CLASP2: variants seen among roughly 807,000 people sequenced by gnomAD.
The protein encoded by CLASP2 is CLIP-associating protein 2.
A neutral mutation model predicts 194.4 loss-of-function variants in CLASP2; 47 were observed. The observed-to-expected ratio is 0.24, with a 90% CI of 0.19 to 0.31. The LOEUF is 0.31. Among genes scored for constraint, CLASP2 ranks in the 10% least tolerant of loss-of-function variants. CLASP2 has a pLI of 1.00. For synonymous variants in CLASP2, 619 were observed against 633.5 expected, an observed-to-expected ratio of 0.98 and a Z score of 0.34; for missense variants, 1,445 against 1,823.6, an observed-to-expected ratio of 0.79 and a Z score of 3.78.
intron 24 of CLASP2, 48 bp from the exon 25 acceptor site, chr3:33,573,402 G>A (rs1405035467): frequency 6.3e-7 from 1 of 1,583,658 alleles, no homozygotes; most frequent in Non-Finnish European, 8.6e-7. Flanking sequence ...AGAATATATT[G>A]GTATTTCATA....
intron 36 of CLASP2, among the ~76,000 whole-genome samples, chr3:33,515,084 G>C (rs1355567037): frequency 6.6e-6 from 1 of 151,878 alleles, no homozygotes; most frequent in Admixed American, 6.6e-5. Flanking sequence ...GAGTGGGTGT[G>C]GGGTGAGGGA....
chr3:33,604,003 T>A (rs2073042512), intron 17 of CLASP2, 151 bp downstream of exon 17: 3 of 583,038 alleles, frequency 5.1e-6, no homozygotes, highest in Non-Finnish European at 9.3e-6. Context: ...TATATATGTA[T>A]ACACGTATAC....
chr3:33,578,607 C>T (rs1439977576), intron 23 of CLASP2, among the ~76,000 whole-genome samples: 3 of 151,930 alleles, frequency 2.0e-5, no homozygotes, highest in East Asian at 3.9e-4. Context: ...TAGTTAGCCC[C>T]GAAAGGTGAC....
intron 37 of CLASP2, chr3:33,502,321 A>G (rs1475448785): frequency 6.6e-6 from 1 of 152,408 alleles, no homozygotes; most frequent in Non-Finnish European, 1.5e-5. Context: ...TTGACAAATA[A>G]TAATTGTATA....
intron 4 of CLASP2, among the ~76,000 whole-genome samples, chr3:33,687,981 G>A (rs2154346801): frequency 6.6e-6 from 1 of 152,278 alleles, no homozygotes; most frequent in South Asian, 2.1e-4. Context: ...ATTCAATCCA[G>A]AACAGAAGTA....
chr3:33,685,342 CAAAAAAA>C (rs56240569), intron 5 of CLASP2, among the ~76,000 whole-genome samples: 8 of 48,144 alleles, frequency 1.7e-4, no homozygotes, highest in South Asian at 1.1e-3. Context: ...AACTCCGTCT[CAAAAAAA>C]AAAAAAAAAA....
chr3:33,709,873 T>C (rs890409506), intron 1 of CLASP2, among the ~76,000 whole-genome samples: 1 of 152,240 alleles, frequency 6.6e-6, no homozygotes, highest in African/African-American at 2.4e-5. Flanking sequence ...TACTAAAAGA[T>C]TTAGAAATGT....
intron 1 of CLASP2, among the ~76,000 whole-genome samples, chr3:33,706,023 T>C (rs1217569498): frequency 6.6e-6 from 1 of 151,938 alleles, no homozygotes; most frequent in Non-Finnish European, 1.5e-5. Context: ...GAAGTCAAGG[T>C]GGAAGCATCA....
At chr3:33,674,080 G>A (rs2087979748) in intron 6 of CLASP2, among the ~76,000 whole-genome samples, 1 of 152,132 alleles carries the variant, frequency 6.6e-6, no homozygotes, top group Admixed American at 6.5e-5. Context: ...ATTCAGCTCT[G>A]CACCAAGCGG....
At chr3:33,556,395 T>C (rs1022532893) in intron 29 of CLASP2, among the ~76,000 whole-genome samples, 2 of 152,168 alleles carry the variant, frequency 1.3e-5, no homozygotes, top group African/African-American at 4.8e-5. Flanking sequence ...TTCCCTGCTA[T>C]TCTAAACACT....
chr3:33,681,439 A>T (rs773985632), intron 6 of CLASP2, among the ~76,000 whole-genome samples: 8 of 152,194 alleles, frequency 5.3e-5, no homozygotes, highest in African/African-American at 1.4e-4. Flanking sequence ...CACCACCCGT[A>T]AAGTCGCCTT....
chr3:33,509,665 A>G (rs1353592947), intron 37 of CLASP2, among the ~76,000 whole-genome samples: 1 of 152,202 alleles, frequency 6.6e-6, no homozygotes, highest in East Asian at 1.9e-4. Context: ...GAGGGTTCTT[A>G]ATATACATAC....
chr3:33,704,589 T>C (rs530986014), intron 1 of CLASP2, among the ~76,000 whole-genome samples: 2 of 151,898 alleles, frequency 1.3e-5, no homozygotes, highest in African/African-American at 4.8e-5. Flanking sequence ...CCATCTCTAA[T>C]AAAAATATAA....
At chr3:33,624,304 G>GA (rs1352603767) in intron 10 of CLASP2, among the ~76,000 whole-genome samples, 18 of 151,574 alleles carry the variant, frequency 1.2e-4, no homozygotes, top group Non-Finnish European at 2.2e-4. Flanking sequence ...ATGGACATTA[G>GA]AAAAAAAATC....
intron 26 of CLASP2, among the ~76,000 whole-genome samples, chr3:33,569,252 T>C (rs564875917): frequency 7.9e-5 from 12 of 152,324 alleles, no homozygotes; most frequent in African/African-American, 2.6e-4. Context: ...TGATCTTTTT[T>C]AAAAAAGTTT....
chr3:33,559,478 T>C (rs2061458041), intron 28 of CLASP2, 93 bp from the exon 29 acceptor site: 8 of 712,396 alleles, frequency 1.1e-5, no homozygotes, highest in Non-Finnish European at 1.9e-5. Flanking sequence ...AAACATAATG[T>C]CATCCAAAAA....
At chr3:33,616,341 C>A (rs2076155175) in intron 12 of CLASP2, among the ~76,000 whole-genome samples, 1 of 151,866 alleles carries the variant, frequency 6.6e-6, no homozygotes, top group Non-Finnish European at 1.5e-5. Context: ...ACCCTAATAG[C>A]AGAACAATAT....
At chr3:33,674,107 C>T (rs2154339581) in intron 6 of CLASP2, among the ~76,000 whole-genome samples, 1 of 152,324 alleles carries the variant, frequency 6.6e-6, no homozygotes, top group South Asian at 2.1e-4. Flanking sequence ...TAGACAGCTA[C>T]AGAACTCTCC....
intron 6 of CLASP2, among the ~76,000 whole-genome samples, chr3:33,675,649 C>T (rs1439904802): frequency 9.4e-5 from 14 of 149,704 alleles, no homozygotes; most frequent in African/African-American, 2.9e-4. Context: ...GTCAAATTGT[C>T]CCTGTTTGCA....
Sources: allele counts gnomAD v4.1 joint callset (sites outside exome capture counted in the v4.1 genomes callset), GRCh38; gene constraint gnomAD v4.1.1; transcripts MANE v1.5; gene names NCBI Gene and HGNC (gene_info 2026-07-23, HGNC 2026-07-21).